The following CARHSP1 variants were observed in gnomAD, a reference collection of about 807,000 sequenced individuals.
CARHSP1 encodes calcium-regulated heat-stable protein 1.
CARHSP1 carries 14 observed loss-of-function variants against 12.5 expected under a neutral mutation model. The ratio of observed to expected loss-of-function variants is 1.12; its 90% CI spans 0.74 to 1.75. CARHSP1 has a LOEUF of 1.75. Ranked by LOEUF, CARHSP1 falls within the 40% of genes most tolerant of loss-of-function variation. CARHSP1 has a pLI of 0.00. For missense variants in CARHSP1, 343 were observed against 201.6 expected (o/e 1.70, Z -4.25); for synonymous variants, 161 against 82.0 (o/e 1.96, Z -5.20).
intron 1 of CARHSP1, among the ~76,000 whole-genome samples, chr16:8,865,479 G>C (rs1439940088): frequency 6.6e-6 from 1 of 152,200 alleles, no homozygotes; most frequent in East Asian, 1.9e-4. Context: ...GGGGATAAGA[G>C]TTCAAGTCAG....
In CARHSP1 at chr16:8,854,167, A is replaced by AC. The variant is rs2061023422; in HGVS notation, c.*996_*997insG. 1 of 151,184 alleles carries AC rather than the reference A, an allele frequency of 6.6e-6. No homozygotes were observed. The highest frequency in any genetic ancestry group is 1.5e-5 in the Non-Finnish European group (1 of 67,564). 9.4% of individuals were successfully genotyped at this position (151,184 alleles called of 1,614,324 possible). A position where few individuals can be genotyped will look rare whatever the true frequency, so the allele number is the denominator to read the frequency against. On this transcript the variant is annotated 3_prime_UTR_variant, in exon 4 of 4. Transcript: ENST00000311052. ...GTGAAAGCTTTAGTTATGAAAAATA[A>AC]GAAAAAAAAAATCCCTAAGCATTTC...
chr16:8,866,741 G>A (rs1338287964), intron 1 of CARHSP1, among the ~76,000 whole-genome samples: 1 of 151,584 alleles, frequency 6.6e-6, no homozygotes, highest in Non-Finnish European at 1.5e-5. Flanking sequence ...GAGTGTCCAG[G>A]GGGAGGGACG....
intron 3 of CARHSP1, chr16:8,858,080 A>G: frequency 2.1e-6 from 1 of 476,422 alleles, no homozygotes; most frequent in Non-Finnish European, 3.8e-6. Context: ...AACCTTACAC[A>G]CCCATTCACA....
intron 2 of CARHSP1, chr16:8,858,890 G>T: frequency 7.1e-6 from 3 of 425,384 alleles, no homozygotes; most frequent in South Asian, 9.5e-5. Context: ...GTCTCACAGG[G>T]AACCAGACTC....
intron 1 of CARHSP1, among the ~76,000 whole-genome samples, chr16:8,863,554 G>A (rs529753868): frequency 3.3e-4 from 50 of 152,320 alleles, no homozygotes; most frequent in African/African-American, 1.0e-3. Context: ...ACTGAGGCAC[G>A]GAGCAGACGT....
rs551376155 is a variant in CARHSP1, at chr16:8,861,675, C to T, written c.-7-2340G>A. On this transcript the variant is annotated intron_variant, in intron 1 of 3. Transcript: ENST00000311052. Reference sequence around the variant, plus strand: ...GGAGGTGGCATCCTACCTCCTGTCCCTTCTCTCAGCTACAGCCGCGGCCAA... The same window carrying T: ...GGAGGTGGCATCCTACCTCCTGTCCTTTCTCTCAGCTACAGCCGCGGCCAA... The T allele has an allele frequency of 2.5e-4, 324 of 1,289,086 alleles. 1 individual carries two copies. The African/African-American group carries it at 4.5e-3, about 18-fold the overall frequency. 79.9% of individuals were successfully genotyped at this position (1,289,086 alleles called of 1,614,324 possible).
chr16:8,856,137 T>G (rs1418735085), intron 3 of CARHSP1, among the ~76,000 whole-genome samples: 1 of 152,196 alleles, frequency 6.6e-6, no homozygotes, highest in Non-Finnish European at 1.5e-5. Flanking sequence ...AAGGTCCCTT[T>G]GGTGCATGAA....
chr16:8,861,476 C>G (rs959613139), intron 1 of CARHSP1, among the ~76,000 whole-genome samples: 8 of 151,982 alleles, frequency 5.3e-5, no homozygotes, highest in Non-Finnish European at 1.2e-4. Context: ...AATCCCACCG[C>G]ACCCCCCGAA....
chr16:8,859,354 G>C lies in CARHSP1; in HGVS notation c.-7-19C>G. ...GGCTGACCTGGAAAGAGAAGAGGCT[G>C]TCAGGGGCTCGTGCCTTGCAAGGTA... On this transcript the variant is annotated intron_variant, in intron 1 of 3. Transcript: ENST00000311052. 6.3e-7 allele frequency: 1 copy of C among 1,592,766 alleles called. No homozygotes were observed. The highest frequency in any genetic ancestry group is 8.5e-7 in the Non-Finnish European group (1 of 1,176,358).
intron 1 of CARHSP1, chr16:8,860,242 G>A (rs1241359259): frequency 2.0e-6 from 2 of 983,668 alleles, no homozygotes; most frequent in East Asian, 1.1e-4. Context: ...AAGGGAAAGG[G>A]AGAATTTCCA....
At chr16:8,855,573 A>C (rs2061074307) in intron 3 of CARHSP1, among the ~76,000 whole-genome samples, 1 of 152,184 alleles carries the variant, frequency 6.6e-6, no homozygotes, top group Middle Eastern at 3.2e-3. Context: ...GCTGGAACTG[A>C]AAGAGTTCAG....
chr16:8,868,976 G>A lies in CARHSP1; in HGVS notation c.-18C>T, dbSNP rs939365085. 6.6e-6 allele frequency: 1 copy of A among 151,716 alleles called. No individual in the cohort carries two copies. The highest frequency in any genetic ancestry group is 1.5e-5 in the Non-Finnish European group (1 of 67,936). 9.4% of individuals were successfully genotyped at this position (151,716 alleles called of 1,614,324 possible). A position where few individuals can be genotyped will look rare whatever the true frequency, so the allele number is the denominator to read the frequency against. On this transcript the variant is annotated 5_prime_UTR_variant, in exon 1 of 4. In the 5' UTR this introduces an upstream ATG that the reference lacks. Transcript: ENST00000311052. ...AGAAGAGCTCCCTACCCTGCAATCC[G>A]TTCTGCTCCGCCAGCCGCTTCGCTC...
chr16:8,856,485 A>G (rs998717021), intron 3 of CARHSP1, among the ~76,000 whole-genome samples: 4 of 152,118 alleles, frequency 2.6e-5, no homozygotes, highest in East Asian at 1.9e-4. Context: ...CCCAACCTCT[A>G]TGTTTTCCTT....
chr16:8,857,277 T>G (rs373060113), intron 3 of CARHSP1, among the ~76,000 whole-genome samples: 1,463 of 65,292 alleles, frequency 0.022, 18 homozygotes, highest in African/African-American at 0.047. Flanking sequence ...TTTTTTTTTT[T>G]TTTTTTTTTT....
At chr16:8,859,399 C>T (rs1227333542) in intron 1 of CARHSP1, 64 bp from the exon 2 acceptor site, 9 of 1,411,374 alleles carry the variant, frequency 6.4e-6, no homozygotes, top group Middle Eastern at 3.6e-4. Context: ...TGCTTACCCC[C>T]ATGTCCACGT....
chr16:8,858,779 G>A (rs550144952), intron 2 of CARHSP1: 3 of 441,082 alleles, frequency 6.8e-6, no homozygotes, highest in African/African-American at 2.0e-5. Flanking sequence ...AATAACACAA[G>A]CATCCTCCAC....
chr16:8,858,558 C>G, intron 2 of CARHSP1, 86 bp from the exon 3 acceptor site: 1 of 1,528,004 alleles, frequency 6.5e-7, no homozygotes, highest in Non-Finnish European at 8.8e-7. Context: ...CAGCTGTGCC[C>G]CATCAAGCCC....
intron 1 of CARHSP1, among the ~76,000 whole-genome samples, chr16:8,865,926 G>C (rs1440328833): frequency 2.0e-5 from 3 of 152,178 alleles, no homozygotes; most frequent in Non-Finnish European, 4.4e-5. Context: ...CATTCAGCAG[G>C]TGTGGGGTGG....
At chr16:8,860,781 T>A (rs1001869225) in intron 1 of CARHSP1, among the ~76,000 whole-genome samples, 19 of 152,172 alleles carry the variant, frequency 1.2e-4, no homozygotes, top group Middle Eastern at 3.4e-3. Flanking sequence ...CCAGGTGCGG[T>A]GGCTCACACC....
Sources: gnomAD v4.1 joint callset for allele counts (sites outside exome capture counted in the v4.1 genomes callset) on GRCh38, gnomAD v4.1.1 for gene constraint, MANE v1.5 for transcripts, NCBI Gene and HGNC (gene_info 2026-07-23, HGNC 2026-07-21) for gene names.